RTL9: variants seen among roughly 807,000 people sequenced by gnomAD.
RTL9 encodes the protein retrotransposon Gag like 9.
Under a neutral mutation model 44.7 loss-of-function variants are expected in RTL9, and 19 were observed. The ratio of observed to expected loss-of-function variants is 0.42; its 90% confidence interval spans 0.30 to 0.62. The LOEUF (loss-of-function observed/expected upper bound fraction) is 0.62. RTL9 is among the 20% of genes least tolerant of loss of function. RTL9 has a pLI of 0.16. For synonymous variants in RTL9, 407 were observed against 398.9 expected (o/e 1.02, Z -0.24); for missense variants, 1,105 against 1,080.6 (o/e 1.02, Z -0.32).
chrX:110,383,336 T>C (rs1478186249), intron 1 of RTL9, among the ~76,000 whole-genome samples: 2 of 111,499 alleles, frequency 1.8e-5, no homozygotes, highest in Admixed American at 1.9e-4. Flanking sequence ...TATCTTTGCT[T>C]AGCAAAATTT....
chrX:110,424,134 A>T (rs1164149572), intron 1 of RTL9, among the ~76,000 whole-genome samples: 1 of 111,632 alleles, frequency 9.0e-6, no homozygotes, highest in African/African-American at 3.3e-5. Context: ...CAGGAAACAT[A>T]ATGCAAGGTC....
At position 110,370,489 on chromosome X, in the gene RTL9, G is replaced by A. The variant is rs756863384; in HGVS notation, c.-168+11573G>A. Reference sequence around the variant, plus strand: ...CTCCCAAAGTGCTGGGATTACAAGCGTGAGCCACTGCGCCCGGCCTATTCT... The same window carrying A: ...CTCCCAAAGTGCTGGGATTACAAGCATGAGCCACTGCGCCCGGCCTATTCT... On this transcript the variant is annotated intron_variant, in intron 1 of 2. Transcript: ENST00000520821. Among the ~76,000 whole-genome samples the A allele has an allele frequency of 1.5e-3, 166 of 112,572 alleles. 1 individual carries two copies. Among genetic ancestry groups the A allele is most frequent in the African/African-American group, 5.2e-3 (161 of 31,035 alleles).
At chrX:110,447,857 G>A (rs1444716237), upstream of RTL9, among the ~76,000 whole-genome samples, 1 of 111,250 alleles carries the variant, frequency 9.0e-6, no homozygotes, top group Non-Finnish European at 1.9e-5. Context: ...CAAGGCTCAG[G>A]GACCAATTCT....
chrX:110,413,883 C>T (rs1267878150), intron 1 of RTL9, among the ~76,000 whole-genome samples: 2 of 111,560 alleles, frequency 1.8e-5, no homozygotes, highest in Non-Finnish European at 3.8e-5. Context: ...TACTACCCAT[C>T]TTATGACATC....
At position 110,454,718 on chromosome X, in the gene RTL9, C is replaced by T. The variant is rs760066859; in HGVS notation, c.4047+54C>T. 89 of 1,008,119 alleles carry T rather than the reference C, an allele frequency of 8.8e-5. No homozygotes were observed. The African/African-American group carries it at 1.6e-3, about 18-fold the overall frequency. 83.1% of individuals were successfully genotyped at this position (1,008,119 alleles called of 1,213,427 possible). A position where few individuals can be genotyped will look rare whatever the true frequency, so the allele number is the denominator to read the frequency against. ...TTTGAGCAGAGAAATGAGGAGGTCACGACAGGGAATACATCCTGCTTCCTT... is the reference window on the plus strand; with the variant it reads ...TTTGAGCAGAGAAATGAGGAGGTCATGACAGGGAATACATCCTGCTTCCTT... On this transcript the variant is annotated intron_variant, in intron 1 of 1. Coordinates refer to ENST00000540313, the Ensembl canonical transcript of RTL9.
chrX:110,397,012 G>T (rs1031883228), intron 1 of RTL9, among the ~76,000 whole-genome samples: 1 of 111,736 alleles, frequency 8.9e-6, no homozygotes, highest in African/African-American at 3.3e-5. Flanking sequence ...AGCTGACTCC[G>T]GAGCCCACAT....
rs35653272 is a variant in RTL9 at position 110,452,190 on chromosome X, A to C, written c.1573A>C (p.Met525Leu). The change falls in exon 1 of 2, where the codon ATG (methionine) becomes CTG (leucine). Residue 525 changes from methionine to leucine, a missense_variant. Physicochemically the swap from Met to Leu is conservative, Grantham distance 15. Coordinates refer to ENST00000540313, the Ensembl canonical transcript of RTL9. Reference sequence around the variant, plus strand: ...GGCAACAGCCTCTGAAACAATGTCCATGCCACAATTGACAGTCCCAGCCTC... The same window carrying C: ...GGCAACAGCCTCTGAAACAATGTCCCTGCCACAATTGACAGTCCCAGCCTC... 3,072 of 1,210,511 alleles carry C rather than the reference A, an allele frequency of 2.5e-3. 42 individuals carry two copies. In the African/African-American group the frequency reaches 0.048, roughly 19 times the overall value.
chrX:110,418,544 G>C (rs2068694549), upstream of RTL9, among the ~76,000 whole-genome samples: 1 of 111,833 alleles, frequency 8.9e-6, no homozygotes, highest in African/African-American at 3.3e-5. Flanking sequence ...ACATGAACGA[G>C]AGGAAGGCCG....
exon 1 of RTL9, chrX:110,453,297 T>A: frequency 8.3e-7 from 1 of 1,211,719 alleles, no homozygotes; most frequent in Non-Finnish European, 1.1e-6. Flanking sequence ...AGCCCCAGCC[T>A]CTGGAGGGGT....
intron 1 of RTL9, among the ~76,000 whole-genome samples, chrX:110,397,099 G>A (rs780884965): frequency 8.9e-6 from 1 of 111,908 alleles, no homozygotes; most frequent in African/African-American, 3.2e-5. Flanking sequence ...TCTGGGACAG[G>A]GCAAATGTGA....
chrX:110,378,128 T>C (rs149957477), intron 1 of RTL9, among the ~76,000 whole-genome samples: 1,402 of 111,750 alleles, frequency 0.013, 15 homozygotes, highest in Middle Eastern at 0.037. Flanking sequence ...ACATAAATCT[T>C]GCGTTATTCT....
chrX:110,362,495 T>G (rs2148251247), intron 1 of RTL9, among the ~76,000 whole-genome samples: 1 of 112,520 alleles, frequency 8.9e-6, no homozygotes, highest in Admixed American at 9.4e-5. Context: ...TTGACAACTC[T>G]ACGCTTTTCA....
chrX:110,401,954 C>T (rs959408956), intron 1 of RTL9, among the ~76,000 whole-genome samples: 9 of 112,195 alleles, frequency 8.0e-5, no homozygotes, highest in South Asian at 3.7e-4. Context: ...GGTCTCTCTT[C>T]GCTTCCTTGT....
At chrX:110,389,552 T>C (rs1340411228) in intron 1 of RTL9, among the ~76,000 whole-genome samples, 1 of 112,160 alleles carries the variant, frequency 8.9e-6, no homozygotes, top group Non-Finnish European at 1.9e-5. Context: ...GTAAATAAAA[T>C]CTCACACAAT....
intron 1 of RTL9, among the ~76,000 whole-genome samples, chrX:110,422,726 A>G (rs759487676): frequency 3.6e-5 from 4 of 112,092 alleles, no homozygotes; most frequent in African/African-American, 6.5e-5. Context: ...GAGAACTTAT[A>G]TGCTCTTTCC....
chrX:110,434,417 T>C (rs892163554), intron 1 of RTL9, among the ~76,000 whole-genome samples: 1 of 111,105 alleles, frequency 9.0e-6, no homozygotes, highest in African/African-American at 3.3e-5. Context: ...TGGGAGACCA[T>C]CTCCAGGGTC....
At chrX:110,435,505 C>A (rs1603009529) in intron 1 of RTL9, among the ~76,000 whole-genome samples, 1 of 111,928 alleles carries the variant, frequency 8.9e-6, no homozygotes, top group African/African-American at 3.3e-5. Flanking sequence ...CTAGCAGGTC[C>A]CAGAACAAAA....
exon 1 of RTL9, chrX:110,451,969 C>T: frequency 1.7e-6 from 2 of 1,211,940 alleles, no homozygotes; most frequent in South Asian, 3.5e-5. Flanking sequence ...GGAGTGATGT[C>T]CACAGAGCAA....
intron 1 of RTL9, among the ~76,000 whole-genome samples, chrX:110,409,895 C>G (rs2068629857): frequency 9.0e-6 from 1 of 111,418 alleles, no homozygotes. Context: ...ACCCTGAGGT[C>G]ATCTGGTTCA....
Sources: gnomAD v4.1 joint callset for allele counts (sites outside exome capture counted in the v4.1 genomes callset) on GRCh38, gnomAD v4.1.1 for gene constraint, MANE v1.5 for transcripts, NCBI Gene and HGNC (gene_info 2026-07-23, HGNC 2026-07-21) for gene names.